The following STYX variants were observed in gnomAD, a reference collection of about 807,000 sequenced individuals.
STYX encodes serine/threonine/tyrosine interacting protein.
In STYX, 20 loss-of-function variants were observed where a neutral mutation model predicts 42.7. The observed-to-expected ratio is 0.47, with a 90% CI of 0.33 to 0.68. The LOEUF (loss-of-function observed/expected upper bound fraction) is 0.68. Among genes scored for constraint, STYX ranks in the 30% least tolerant of loss-of-function variants. STYX has a pLI of 0.02. For missense variants in STYX, 226 were observed against 268.5 expected, an observed-to-expected ratio of 0.84 and a Z score of 1.11; for synonymous variants, 78 against 81.9, an observed-to-expected ratio of 0.95 and a Z score of 0.26.
chr14:52,735,398 C>T (rs1880910188), intron 1 of STYX, among the ~76,000 whole-genome samples: 2 of 152,194 alleles, frequency 1.3e-5, no homozygotes, highest in African/African-American at 2.4e-5. Flanking sequence ...GGGGCCCCAT[C>T]TAGGTCATAT....
intron 1 of STYX, among the ~76,000 whole-genome samples, chr14:52,737,966 G>A (rs975391313): frequency 3.9e-5 from 6 of 152,120 alleles, no homozygotes; most frequent in African/African-American, 1.2e-4. Flanking sequence ...TGGTAGAGAC[G>A]GGGTGTCAAC....
At chr14:52,752,447 G>A (rs1881656016) in intron 4 of STYX, among the ~76,000 whole-genome samples, 1 of 152,000 alleles carries the variant, frequency 6.6e-6, no homozygotes, top group Admixed American at 6.6e-5. Flanking sequence ...CCTGGCGACA[G>A]AGCAAGACTC....
intron 3 of STYX, among the ~76,000 whole-genome samples, chr14:52,749,708 T>G (rs979285686): frequency 6.6e-6 from 1 of 152,198 alleles, no homozygotes; most frequent in Non-Finnish European, 1.5e-5. Context: ...AAATGAAAAC[T>G]TATTATCTGG....
At chr14:52,737,507 A>G (rs1034125567) in intron 1 of STYX, among the ~76,000 whole-genome samples, 3 of 152,208 alleles carry the variant, frequency 2.0e-5, no homozygotes, top group Non-Finnish European at 2.9e-5. Flanking sequence ...AATGTGGTTG[A>G]ACTGCTTGGC....
chr14:52,750,204 G>A (rs970573715), intron 3 of STYX, among the ~76,000 whole-genome samples: 13 of 152,146 alleles, frequency 8.5e-5, no homozygotes, highest in African/African-American at 2.9e-4. Flanking sequence ...AATTAATTCT[G>A]ACTCTTAAAG....
At chr14:52,749,240 C>T (rs1881514692) in intron 3 of STYX, among the ~76,000 whole-genome samples, 1 of 152,110 alleles carries the variant, frequency 6.6e-6, no homozygotes. Flanking sequence ...AGGTTTCTAC[C>T]CTCATGACCT....
intron 3 of STYX, among the ~76,000 whole-genome samples, chr14:52,747,224 A>G (rs1881428611): frequency 6.6e-6 from 1 of 152,150 alleles, no homozygotes; most frequent in Non-Finnish European, 1.5e-5. Flanking sequence ...TAAATATAGC[A>G]ATGTTCTTGC....
At position 52,774,663 on chromosome 14, in the gene STYX, CAT is replaced by C; in HGVS notation, c.*3558_*3559del. The C allele has an allele frequency of 6.7e-6, 1 of 148,742 alleles. No homozygotes were observed. The highest frequency in any genetic ancestry group is 2.0e-4 in the East Asian group (1 of 4,998). The allele number at this position is 148,742 out of a possible 1,614,324, so 9.2% of individuals were successfully genotyped here. Reference sequence around the variant, plus strand: ...AAATCACTCAAAATATTCAGGTTTACATGTTAGCTCTCTCTCATAGGGAGCTG... The same window carrying C: ...AAATCACTCAAAATATTCAGGTTTACGTTAGCTCTCTCTCATAGGGAGCTG... On this transcript the variant is annotated 3_prime_UTR_variant, in exon 11 of 11. Coordinates refer to ENST00000354586, the MANE Select transcript of STYX (RefSeq NM_145251.4).
chr14:52,733,357 A>G lies in STYX; in HGVS notation c.57+2826A>G, dbSNP rs554893045. Among the ~76,000 whole-genome samples, 28 of 152,196 alleles carry G rather than the reference A, an allele frequency of 1.8e-4. No homozygotes were observed. In the South Asian group the frequency reaches 5.8e-3, roughly 32 times the overall value. On this transcript the variant is annotated intron_variant, in intron 1 of 10. Transcript: ENST00000354586. ...AACACACTCTTTTTTTTATGCTACC[A>G]GATGTGTGGGGGTTTTTCCATACCA...
At position 52,730,422 on chromosome 14, in the gene STYX, G is replaced by T. The variant is rs1049903885; in HGVS notation, c.-53G>T. ...CGCCGCCGCAGCCAGCCCGAGGGTCGGCCGGCTGTGTAACACTCTCCCACC... is the reference window on the plus strand; with the variant it reads ...CGCCGCCGCAGCCAGCCCGAGGGTCTGCCGGCTGTGTAACACTCTCCCACC... On this transcript the variant is annotated 5_prime_UTR_variant, in exon 1 of 11. Coordinates refer to ENST00000354586, the MANE Select transcript of STYX (RefSeq NM_145251.4). 14 of 1,596,700 alleles carry T rather than the reference G, an allele frequency of 8.8e-6. No individual in the cohort carries two copies. The highest frequency in any genetic ancestry group is 3.5e-5 in the Admixed American group (2 of 57,618).
chr14:52,750,691 A>G lies in STYX; in HGVS notation c.153A>G (p.Val51=). ...CTTTTTTTTTTATACAGCTACCTGT[A>G]CTACAGAAACATGGAATAACCCATA... ...YSSAMKSKLP[V]LQKHGITHII... Residue 51 remains valine, a synonymous_variant, in exon 4 of 11, where the codon GTA becomes GTG. Coordinates refer to ENST00000354586, the MANE Select transcript of STYX (RefSeq NM_145251.4). 1 of 1,568,230 alleles carries G rather than the reference A, an allele frequency of 6.4e-7. No individual in the cohort carries two copies. Among genetic ancestry groups the G allele is most frequent in the Non-Finnish European group, 8.6e-7 (1 of 1,161,366 alleles).
intron 2 of STYX, 30 bp from the exon 3 acceptor site, chr14:52,746,395 TG>T (rs780980671): frequency 1.3e-6 from 2 of 1,522,418 alleles, no homozygotes; most frequent in Non-Finnish European, 8.9e-7. Flanking sequence ...AAATTGCTGA[TG>T]GTAAATACCT....
At chr14:52,759,560 A>G in intron 8 of STYX, 122 bp from the exon 9 acceptor site, 1 of 696,758 alleles carries the variant, frequency 1.4e-6, no homozygotes, top group Non-Finnish European at 2.5e-6. Flanking sequence ...AGGAATTGTG[A>G]TATTTAATCT....
chr14:52,748,810 C>T (rs527441680), intron 3 of STYX, among the ~76,000 whole-genome samples: 4 of 152,106 alleles, frequency 2.6e-5, no homozygotes, highest in African/African-American at 4.8e-5. Flanking sequence ...CAAGTGTAAA[C>T]GAAGGACTTA....
At chr14:52,735,240 G>A (rs536594877) in intron 1 of STYX, among the ~76,000 whole-genome samples, 1 of 152,062 alleles carries the variant, frequency 6.6e-6, no homozygotes, top group African/African-American at 2.4e-5. Flanking sequence ...TGGCCATCTG[G>A]GGTCACACCT....
In STYX at chr14:52,752,938, T is replaced by C. The variant is rs564591498; in HGVS notation, c.242+2158T>C. ...CTCTGTCACCCAGGCTGGAGTGCAG[T>C]GGTGTGATCTTGGCTCACTGCAACC... On this transcript the variant is annotated intron_variant, in intron 4 of 10. Transcript: ENST00000354586. 1.1e-3 allele frequency among the ~76,000 whole-genome samples: 164 copies of C among 145,104 alleles called. 1 individual carries two copies. Among genetic ancestry groups the C allele is most frequent in the South Asian group, 8.1e-3 (36 of 4,418 alleles).
At chr14:52,765,474 C>A (rs1049310017) in intron 9 of STYX, among the ~76,000 whole-genome samples, 1 of 152,214 alleles carries the variant, frequency 6.6e-6, no homozygotes, top group African/African-American at 2.4e-5. Flanking sequence ...TCCTCGGCCT[C>A]CCAAAGTGTT....
chr14:52,760,404 A>G (rs905804129), intron 9 of STYX, among the ~76,000 whole-genome samples: 22 of 152,206 alleles, frequency 1.4e-4, no homozygotes, highest in Admixed American at 1.3e-3. Context: ...TTCTATGTTT[A>G]TCTTTTCCAT....
chr14:52,737,121 A>G (rs1269266691), intron 1 of STYX, among the ~76,000 whole-genome samples: 2 of 152,158 alleles, frequency 1.3e-5, no homozygotes, highest in Non-Finnish European at 2.9e-5. Context: ...TTGTGTATAT[A>G]GGATTCAGCA....
Sources: allele counts gnomAD v4.1 joint callset (sites outside exome capture counted in the v4.1 genomes callset), GRCh38; gene constraint gnomAD v4.1.1; transcripts MANE v1.5; gene names NCBI Gene and HGNC (gene_info 2026-07-23, HGNC 2026-07-21).